Variants in STX18 observed in about 807,000 individuals in gnomAD.
STX18 encodes syntaxin 18.
Under a neutral mutation model 50.1 loss-of-function variants are expected in STX18, and 40 were observed. That is an observed-to-expected ratio of 0.80 (90% CI 0.62 to 1.04). STX18 has a LOEUF of 1.04. Among genes scored for constraint, STX18 ranks in the 50% least tolerant of loss-of-function variants. STX18 has a pLI of 0.00. For synonymous variants in STX18, 158 were observed against 151.8 expected, an observed-to-expected ratio of 1.04 and a Z score of -0.30; for missense variants, 410 against 415.8, an observed-to-expected ratio of 0.99 and a Z score of 0.12.
At chr4:4,454,869 A>T (rs576657744) in intron 5 of STX18, among the ~76,000 whole-genome samples, 1 of 152,320 alleles carries the variant, frequency 6.6e-6, no homozygotes, top group Admixed American at 6.5e-5. Context: ...GGATTAATGA[A>T]ATAAAATAAT....
chr4:4,430,842 G>C (rs1329236448), intron 7 of STX18, among the ~76,000 whole-genome samples: 19 of 152,192 alleles, frequency 1.2e-4, no homozygotes, highest in Admixed American at 1.2e-3. Flanking sequence ...GTGGGGTATT[G>C]ATTCTGAAGA....
At chr4:4,467,785 T>G (rs1727694989) in intron 2 of STX18, among the ~76,000 whole-genome samples, 1 of 152,006 alleles carries the variant, frequency 6.6e-6, no homozygotes, top group Non-Finnish European at 1.5e-5. Flanking sequence ...AGATAGAACT[T>G]TTTTTCTAAG....
intron 1 of STX18, among the ~76,000 whole-genome samples, chr4:4,538,649 C>T (rs1243892805): frequency 1.3e-5 from 2 of 151,944 alleles, no homozygotes; most frequent in African/African-American, 4.8e-5. Context: ...TAGGGTAACT[C>T]AGAAGCTACC....
intron 1 of STX18, chr4:4,507,681 C>A: frequency 2.4e-6 from 2 of 838,342 alleles, no homozygotes; most frequent in Non-Finnish European, 4.1e-6. Flanking sequence ...TTGGACAAAG[C>A]CCAGCAGAAC....
At chr4:4,501,467 C>A (rs148974039) in intron 1 of STX18, among the ~76,000 whole-genome samples, 1 of 152,212 alleles carries the variant, frequency 6.6e-6, no homozygotes, top group Non-Finnish European at 1.5e-5. Context: ...TTCTTTCACT[C>A]GTTAGTGATT....
intron 1 of STX18, among the ~76,000 whole-genome samples, chr4:4,511,325 C>G (rs1729994415): frequency 6.6e-6 from 1 of 152,190 alleles, no homozygotes; most frequent in Non-Finnish European, 1.5e-5. Context: ...GCCAGCAATG[C>G]TTTATCAAGG....
At chr4:4,424,823 AG>A (rs1725159784) in intron 8 of STX18, among the ~76,000 whole-genome samples, 1 of 152,170 alleles carries the variant, frequency 6.6e-6, no homozygotes, top group African/African-American at 2.4e-5. Flanking sequence ...GCCCTTCATA[AG>A]GGCCCCATTT....
intron 1 of STX18, among the ~76,000 whole-genome samples, chr4:4,527,991 T>C (rs1577404680): frequency 6.6e-6 from 1 of 151,966 alleles, no homozygotes; most frequent in Admixed American, 6.6e-5. Context: ...GAGGCTGCAA[T>C]GCTGCCTTGT....
intron 5 of STX18, chr4:4,453,711 T>C (rs1726902338): frequency 5.1e-6 from 5 of 972,736 alleles, no homozygotes; most frequent in Non-Finnish European, 6.1e-6. Flanking sequence ...TATAATATCA[T>C]AGTACTATAA....
chr4:4,438,567 A>C, intron 5 of STX18, 58 bp from the exon 6 acceptor site: 1 of 1,391,212 alleles, frequency 7.2e-7, no homozygotes, highest in East Asian at 2.3e-5. Context: ...TTCCTTTTTG[A>C]AAACAGAAGG....
chr4:4,475,072 A>C (rs1454194225), intron 1 of STX18, among the ~76,000 whole-genome samples: 1 of 152,132 alleles, frequency 6.6e-6, no homozygotes, highest in African/African-American at 2.4e-5. Context: ...GCCCACCCCT[A>C]CTTTTAGTTA....
intron 7 of STX18, among the ~76,000 whole-genome samples, chr4:4,428,804 C>T (rs1005600377): frequency 4.6e-5 from 7 of 152,116 alleles, no homozygotes; most frequent in African/African-American, 1.4e-4. Flanking sequence ...CCAAGGTCAG[C>T]ACGACAGATG....
At chr4:4,494,828 G>A (rs73088212) in intron 1 of STX18, among the ~76,000 whole-genome samples, 10,891 of 152,192 alleles carry the variant, frequency 0.072, 1,269 homozygotes, top group African/African-American at 0.24. Flanking sequence ...GGAGCCCCAC[G>A]TGTGCCAAGA....
chr4:4,423,748 C>T, intron 8 of STX18, 161 bp from the exon 9 acceptor site: 1 of 675,104 alleles, frequency 1.5e-6, no homozygotes, highest in Non-Finnish European at 2.5e-6. Context: ...GGAAGGCGAA[C>T]TCTCCTTACT....
At chr4:4,425,092 G>T in intron 8 of STX18, 72 bp downstream of exon 8, 2 of 1,415,560 alleles carry the variant, frequency 1.4e-6, no homozygotes, top group South Asian at 1.2e-5. Context: ...GGGCACCAAG[G>T]TAAATAAAGT....
intron 1 of STX18, among the ~76,000 whole-genome samples, chr4:4,517,095 G>C (rs1730302827): frequency 6.6e-6 from 1 of 152,216 alleles, no homozygotes; most frequent in South Asian, 2.1e-4. Flanking sequence ...ATTTGGTCAC[G>C]GGAGCTCCCG....
intron 1 of STX18, among the ~76,000 whole-genome samples, chr4:4,513,237 GA>G (rs1205350901): frequency 1.5e-4 from 23 of 152,314 alleles, no homozygotes; most frequent in African/African-American, 4.8e-5. Context: ...GATTCTGATA[GA>G]GGGGGGGACC....
At chr4:4,423,441 G>T in intron 9 of STX18, 77 bp downstream of exon 9, 1 of 1,429,962 alleles carries the variant, frequency 7.0e-7, no homozygotes, top group South Asian at 1.2e-5. Flanking sequence ...AGCAGCCTTT[G>T]GGAAAAATGT....
intron 1 of STX18, among the ~76,000 whole-genome samples, chr4:4,517,227 G>A (rs1406042068): frequency 6.6e-6 from 1 of 152,152 alleles, no homozygotes; most frequent in East Asian, 1.9e-4. Context: ...GACATTAGGT[G>A]CTTCTGTTTT....
Sources: gnomAD v4.1 joint callset for allele counts (sites outside exome capture counted in the v4.1 genomes callset) on GRCh38, gnomAD v4.1.1 for gene constraint, MANE v1.5 for transcripts, NCBI Gene and HGNC (gene_info 2026-07-23, HGNC 2026-07-21) for gene names.